Variants in DCLRE1C observed in about 807,000 individuals in gnomAD.
DCLRE1C encodes DNA cross-link repair 1C.
Under a neutral mutation model 61.4 loss-of-function variants are expected in DCLRE1C, and 47 were observed. The ratio of observed to expected loss-of-function variants is 0.77; its 90% CI spans 0.61 to 0.98. The LOEUF is 0.98. Ranked by LOEUF, DCLRE1C falls within the 50% of genes least tolerant of loss-of-function variation. The pLI, the probability that DCLRE1C is intolerant of heterozygous loss-of-function variation, is 0.00. For synonymous variants in DCLRE1C, 337 were observed against 287.6 expected (o/e 1.17, Z -1.74); for missense variants, 858 against 816.0 (o/e 1.05, Z -0.63).
Position 14,934,381 on chromosome 10 carries a change from T to G in DCLRE1C, c.677A>C (p.Gln226Pro), listed in dbSNP as rs754038818. The change falls in exon 8 of 14, where the codon CAG becomes CCG. Residue 226 changes from glutamine to proline, a missense_variant and splice_region_variant. Coordinates refer to ENST00000378278, the MANE Select transcript of DCLRE1C (RefSeq NM_001033855.3). The stretch of plus-strand genomic sequence containing the variant: ...GAAAAGAATGAACAGTCACCATACC[T>G]GGACTCCTAATTCTTCACTAAGGTT... ...FTNLSEELGV[Q>P]VHVNKLDMFR... 1 of 1,613,112 alleles carries G rather than the reference T, an allele frequency of 6.2e-7. No homozygotes were observed. The highest frequency in any genetic ancestry group is 1.1e-5 in the South Asian group (1 of 91,018).
chr10:14,934,623 A>G, intron 7 of DCLRE1C, 80 bp downstream of exon 7: 1 of 1,610,852 alleles, frequency 6.2e-7, no homozygotes, highest in Admixed American at 1.7e-5. Flanking sequence ...CAGTTAGGAT[A>G]TGACCTGTCA....
downstream of DCLRE1C, among the ~76,000 whole-genome samples, chr10:14,899,898 A>G (rs559292116): frequency 1.3e-5 from 2 of 152,316 alleles, no homozygotes; most frequent in Non-Finnish European, 1.5e-5. Flanking sequence ...AATAGGGTGT[A>G]TTTTACAAGA....
At chr10:14,915,067 G>T (rs961681492) in intron 13 of DCLRE1C, among the ~76,000 whole-genome samples, 10 of 151,948 alleles carry the variant, frequency 6.6e-5, no homozygotes, top group Non-Finnish European at 1.3e-4. Context: ...TAACCCATGT[G>T]TCAAAGAAAA....
Position 14,934,403 on chromosome 10 carries a change from G to C in DCLRE1C, c.655C>G (p.Leu219Val), listed in dbSNP as rs758214738. The C allele has an allele frequency of 1.2e-6, 2 of 1,613,786 alleles. No homozygotes were observed. The highest frequency in any genetic ancestry group is 1.7e-6 in the Non-Finnish European group (2 of 1,179,980). The change falls in exon 8 of 14, where the codon CTT becomes GTT. Residue 219 changes from leucine to valine, a missense_variant. By Grantham distance (32) the Leu-to-Val change is conservative (BLOSUM62 1). Transcript: ENST00000378278. ...AYGYEYLFTN[L>V]SEELGVQVHV... is the part of the protein sequence containing the mutation. ...ACCTGGACTCCTAATTCTTCACTAA[G>C]GTTGGTGAACAGATATTCATAGCCA...
At chr10:14,911,601 T>C (rs565962333) in intron 13 of DCLRE1C, among the ~76,000 whole-genome samples, 8 of 152,184 alleles carry the variant, frequency 5.3e-5, no homozygotes, top group Non-Finnish European at 1.2e-4. Context: ...CCAAAGCATA[T>C]GCAATAAAAG....
chr10:14,919,690 G>GT, intron 13 of DCLRE1C, 48 bp downstream of exon 13: 3 of 1,419,280 alleles, frequency 2.1e-6, no homozygotes, highest in Non-Finnish European at 3.0e-6. Context: ...CTGGAAAGCA[G>GT]TGTTTGCAGG....
intron 13 of DCLRE1C, among the ~76,000 whole-genome samples, chr10:14,916,622 T>C (rs1836240416): frequency 6.6e-6 from 1 of 152,222 alleles, no homozygotes; most frequent in Non-Finnish European, 1.5e-5. Flanking sequence ...TATTTCTATA[T>C]ACTAACAACA....
rs570721371 is a variant in DCLRE1C, at chr10:14,947,846, G to A, written c.161+1190C>T. Among the ~76,000 whole-genome samples, 3 of 152,224 alleles carry A rather than the reference G, an allele frequency of 2.0e-5. No homozygotes were observed. In the East Asian group the frequency reaches 5.8e-4, roughly 29 times the overall value. Reference sequence around the variant, plus strand: ...AGGCTGAGGCAGGCAGATCACTTGAGGTCAGGAGTTCGAGACCAGCCTGGC... The same window carrying A: ...AGGCTGAGGCAGGCAGATCACTTGAAGTCAGGAGTTCGAGACCAGCCTGGC... On this transcript the variant is annotated intron_variant, in intron 2 of 13. Transcript: ENST00000378278.
At chr10:14,920,621 C>T (rs1405634328) in intron 12 of DCLRE1C, among the ~76,000 whole-genome samples, 1 of 152,154 alleles carries the variant, frequency 6.6e-6, no homozygotes, top group Non-Finnish European at 1.5e-5. Context: ...CAGCTATTCT[C>T]CTGGGTTAAC....
chr10:14,953,892 CCTCA>C lies in DCLRE1C; in HGVS notation c.109+6_109+9del. The C allele has an allele frequency of 6.2e-7, 1 of 1,613,830 alleles. No homozygotes were observed. The highest frequency in any genetic ancestry group is 1.1e-5 in the South Asian group (1 of 91,082). On this transcript the variant is annotated splice_donor_region_variant and intron_variant, in intron 1 of 13. Transcript: ENST00000378278. ...GCCCCGGGAGCGGGCGACGCGCAGC[CCTCA>C]CTCACCTTTGTGGCAGTGGGACAGG...
chr10:14,918,268 A>G (rs1283798145), intron 13 of DCLRE1C, among the ~76,000 whole-genome samples: 1 of 152,260 alleles, frequency 6.6e-6, no homozygotes, highest in East Asian at 1.9e-4. Context: ...AGCAACTTGT[A>G]GTATATCCCT....
chr10:14,946,100 C>T (rs1452662552), intron 2 of DCLRE1C, among the ~76,000 whole-genome samples: 4 of 151,560 alleles, frequency 2.6e-5, no homozygotes, highest in Non-Finnish European at 4.4e-5. Flanking sequence ...CTTCCGCCTC[C>T]CGGGTTCAAG....
In DCLRE1C at chr10:14,932,841, C is replaced by G. The variant is rs1451894866; in HGVS notation, c.780+13G>C. Reference sequence around the variant, plus strand: ...TACACAAACAATACGAGAGGAATCACTTGCACACGTACCTTGGGATGCCGG... The same window carrying G: ...TACACAAACAATACGAGAGGAATCAGTTGCACACGTACCTTGGGATGCCGG... On this transcript the variant is annotated intron_variant, in intron 9 of 13. Transcript: ENST00000378278. 1.2e-6 allele frequency: 2 copies of G among 1,613,484 alleles called. No homozygotes were observed. Among genetic ancestry groups the G allele is most frequent in the Non-Finnish European group, 1.7e-6 (2 of 1,179,418 alleles).
At chr10:14,910,912 C>G (rs1019850476) in intron 13 of DCLRE1C, among the ~76,000 whole-genome samples, 1 of 152,192 alleles carries the variant, frequency 6.6e-6, no homozygotes, top group Admixed American at 6.5e-5. Context: ...GCCTGACTCC[C>G]TGCTTCATAA....
At chr10:14,919,007 A>G (rs543992848) in intron 13 of DCLRE1C, among the ~76,000 whole-genome samples, 2 of 152,278 alleles carry the variant, frequency 1.3e-5, no homozygotes, top group African/African-American at 4.8e-5. Flanking sequence ...AGGCTTATCT[A>G]TAACATATGT....
At chr10:14,928,559 A>T (rs1400258828) in intron 9 of DCLRE1C, among the ~76,000 whole-genome samples, 1 of 152,204 alleles carries the variant, frequency 6.6e-6, no homozygotes, top group African/African-American at 2.4e-5. Flanking sequence ...AGCTAATAGT[A>T]CTATATGAAC....
intron 12 of DCLRE1C, among the ~76,000 whole-genome samples, chr10:14,922,449 A>G (rs1175322836): frequency 6.6e-6 from 1 of 151,992 alleles, no homozygotes; most frequent in Non-Finnish European, 1.5e-5. Context: ...TAAAAAAAAA[A>G]AAAAAATCAT....
chr10:14,920,065 A>T (rs1348433370), intron 12 of DCLRE1C, among the ~76,000 whole-genome samples: 1 of 152,228 alleles, frequency 6.6e-6, no homozygotes, highest in African/African-American at 2.4e-5. Context: ...GGCAAATATA[A>T]GCAATTAAAT....
At chr10:14,952,762 C>T (rs953962893) in intron 1 of DCLRE1C, among the ~76,000 whole-genome samples, 2 of 151,992 alleles carry the variant, frequency 1.3e-5, no homozygotes, top group African/African-American at 2.4e-5. Flanking sequence ...GATGCGAATA[C>T]GGCAACGCAC....
Sources: gnomAD v4.1 joint callset for allele counts (sites outside exome capture counted in the v4.1 genomes callset) on GRCh38, gnomAD v4.1.1 for gene constraint, MANE v1.5 for transcripts, NCBI Gene and HGNC (gene_info 2026-07-23, HGNC 2026-07-21) for gene names.